NTAN1: variants seen among roughly 807,000 people sequenced by gnomAD.
NTAN1 encodes protein N-terminal asparagine amidohydrolase.
NTAN1 carries 32 observed loss-of-function variants against 41.9 expected under a neutral mutation model. The observed-to-expected ratio is 0.76, with a 90% CI of 0.58 to 1.03. NTAN1 has a LOEUF of 1.03. Ranked by LOEUF, NTAN1 falls within the 50% of genes least tolerant of loss-of-function variation. The pLI is 0.00. For missense variants in NTAN1, 377 were observed against 377.5 expected, an observed-to-expected ratio of 1.00 and a Z score of 0.01; for synonymous variants, 140 against 139.5, an observed-to-expected ratio of 1.00 and a Z score of -0.03.
intron 7 of NTAN1, chr16:15,040,310 T>A (rs1483189132): frequency 2.5e-6 from 1 of 406,388 alleles, no homozygotes; most frequent in African/African-American, 2.1e-5. Flanking sequence ...AGAGCTGCTT[T>A]CCACATGGGA....
intron 4 of NTAN1, 55 bp from the exon 5 acceptor site, chr16:15,044,462 T>C (rs1814518188): frequency 1.8e-6 from 2 of 1,127,458 alleles, no homozygotes; most frequent in Admixed American, 1.7e-5. Flanking sequence ...GTGCGTGCGC[T>C]GGTCTCACTT....
At chr16:15,049,887 A>G (rs2044230289) in intron 1 of NTAN1, among the ~76,000 whole-genome samples, 1 of 152,254 alleles carries the variant, frequency 6.6e-6, no homozygotes, top group Non-Finnish European at 1.5e-5. Flanking sequence ...ATACAAAAGT[A>G]TAAAAAATGT....
chr16:15,050,430 C>T (rs1195341326), intron 1 of NTAN1, among the ~76,000 whole-genome samples: 1 of 152,034 alleles, frequency 6.6e-6, no homozygotes, highest in Non-Finnish European at 1.5e-5. Flanking sequence ...GGTTAGCGCT[C>T]ACTTAATAAA....
intron 5 of NTAN1, among the ~76,000 whole-genome samples, chr16:15,043,881 G>A (rs1350719025): frequency 2.0e-5 from 3 of 152,066 alleles, no homozygotes; most frequent in Non-Finnish European, 2.9e-5. Context: ...CCAGGAGGCA[G>A]AGCTTGCAGT....
chr16:15,039,233 T>G (rs2043693290), intron 8 of NTAN1, among the ~76,000 whole-genome samples: 1 of 152,192 alleles, frequency 6.6e-6, no homozygotes, highest in Non-Finnish European at 1.5e-5. Context: ...CACTGAAATA[T>G]GTTCTGAATA....
At chr16:15,047,327 G>A (rs1453925279) in intron 4 of NTAN1, 115 bp downstream of exon 4, 12 of 731,224 alleles carry the variant, frequency 1.6e-5, no homozygotes, top group African/African-American at 8.6e-5. Context: ...CCAGGGGAAC[G>A]AGGCAGACAC....
chr16:15,040,136 T>C (rs968595569), intron 7 of NTAN1, 70 bp from the exon 8 acceptor site: 1 of 799,834 alleles, frequency 1.3e-6, no homozygotes, highest in Non-Finnish European at 2.1e-6. Context: ...AGTCTTACAT[T>C]TCTACCACCA....
In NTAN1 at chr16:15,038,161, A is replaced by T. The variant is rs574727086; in HGVS notation, c.803T>A (p.Ile268Asn). The change falls in exon 10 of 10, where the codon ATT becomes AAT. Residue 268 changes from isoleucine to asparagine, a missense_variant. Ile to Asn is a moderately radical substitution (Grantham distance 149). Coordinates refer to ENST00000287706, the MANE Select transcript of NTAN1 (RefSeq NM_173474.4). ...TTTTAAAAACATCAAGGTAGATCTAATATGTTCAACAAAGTGGGGTGGCTC... is the reference window on the plus strand; with the variant it reads ...TTTTAAAAACATCAAGGTAGATCTATTATGTTCAACAAAGTGGGGTGGCTC... Reference protein sequence around the residue: ...LAEPPHFVEHIRSTLMFLKKH... With the variant: ...LAEPPHFVEHNRSTLMFLKKH... The T allele has an allele frequency of 1.2e-6, 2 of 1,613,566 alleles. No homozygotes were observed. The highest frequency in any genetic ancestry group is 1.7e-6 in the Non-Finnish European group (2 of 1,179,588).
intron 9 of NTAN1, 65 bp downstream of exon 9, chr16:15,038,509 T>TTTTC (rs2043650039): frequency 3.1e-6 from 3 of 961,138 alleles, no homozygotes; most frequent in Admixed American, 4.3e-5. Context: ...TAAACCCTTT[T>TTTTC]TTTCTTACAG....
chr16:15,051,567 G>A (rs762820842), intron 1 of NTAN1, among the ~76,000 whole-genome samples: 2 of 151,980 alleles, frequency 1.3e-5, no homozygotes, highest in Non-Finnish European at 2.9e-5. Flanking sequence ...GGCTGGTCTC[G>A]AACTCCTGGC....
chr16:15,039,847 G>A (rs1382977507), intron 8 of NTAN1, 122 bp downstream of exon 8: 2 of 670,304 alleles, frequency 3.0e-6, no homozygotes, highest in African/African-American at 1.8e-5. Context: ...GCTGGTCCCT[G>A]ATAATGTACG....
At chr16:15,047,398 G>T in intron 4 of NTAN1, 44 bp downstream of exon 4, 1 of 1,281,546 alleles carries the variant, frequency 7.8e-7, no homozygotes. Flanking sequence ...GTATGCGACG[G>T]TTCCAAGATC....
At chr16:15,044,463 G>C (rs988560794) in intron 4 of NTAN1, 56 bp from the exon 5 acceptor site, 15 of 1,137,302 alleles carry the variant, frequency 1.3e-5, no homozygotes, top group African/African-American at 1.5e-5. Flanking sequence ...TGCGTGCGCT[G>C]GTCTCACTTT....
rs2044500342 is a variant in NTAN1, at chr16:15,055,997, C to G, written c.-26G>C. 8.4e-7 allele frequency: 1 copy of G among 1,188,934 alleles called. No homozygotes were observed. The highest frequency in any genetic ancestry group is 3.4e-5 in the East Asian group (1 of 29,390). 73.6% of individuals were successfully genotyped at this position (1,188,934 alleles called of 1,614,324 possible). ...CGCGGAGGCGGCCGCCCAGGCAGGC[C>G]CAGGGAGGCGGCGGCCCCCCGCTTT... On this transcript the variant is annotated 5_prime_UTR_variant, in exon 1 of 10. Coordinates refer to ENST00000287706, the MANE Select transcript of NTAN1 (RefSeq NM_173474.4).
Position 15,037,913 on chromosome 16 carries a change from A to G in NTAN1, c.*118T>C. 1 of 639,086 alleles carries G rather than the reference A, an allele frequency of 1.6e-6. No homozygotes were observed. The highest frequency in any genetic ancestry group is 2.6e-5 in the East Asian group (1 of 37,828). 39.6% of individuals were successfully genotyped at this position (639,086 alleles called of 1,614,324 possible). The stretch of plus-strand genomic sequence containing the variant: ...ATTTGATGAAAGTCATTTGAAAGAC[A>G]CTGAGGAGGGAAGGAGGCCTAAGAC... On this transcript the variant is annotated 3_prime_UTR_variant, in exon 10 of 10. Coordinates refer to ENST00000287706, the MANE Select transcript of NTAN1 (RefSeq NM_173474.4).
At chr16:15,043,593 G>A (rs62039480) in intron 5 of NTAN1, among the ~76,000 whole-genome samples, 53,923 of 152,064 alleles carry the variant, frequency 0.35, 9,822 homozygotes, top group Admixed American at 0.47. Flanking sequence ...GAGTAAGCTT[G>A]CTTCATGGCC....
In NTAN1 at chr16:15,047,534, G is replaced by C; in HGVS notation, c.267C>G (p.Cys89Trp). The C allele has an allele frequency of 6.2e-7, 1 of 1,613,478 alleles. No individual in the cohort carries two copies. The highest frequency in any genetic ancestry group is 8.5e-7 in the Non-Finnish European group (1 of 1,179,364). The change falls in exon 4 of 10, where the codon TGC becomes TGG. Residue 89 changes from cysteine to tryptophan, a missense_variant. Coordinates refer to ENST00000287706, the MANE Select transcript of NTAN1 (RefSeq NM_173474.4). The stretch of plus-strand genomic sequence containing the variant: ...TGTCGGTTCCGTCACAATGTGTCAA[G>C]CAGGTGGCCCCATTACCTGAAGAAC... ...VLRHTGNGATCLTHCDGTDTK... is the reference protein window; with the variant it reads ...VLRHTGNGATWLTHCDGTDTK...
At chr16:15,046,116 C>A (rs1227854568) in intron 4 of NTAN1, 1 of 152,256 alleles carries the variant, frequency 6.6e-6, no homozygotes, top group Non-Finnish European at 1.5e-5. Context: ...CCTGCGGGGG[C>A]CAAGATGATA....
Position 15,038,005 on chromosome 16 carries a change from G to A in NTAN1, c.*26C>T, listed in dbSNP as rs201035644. The A allele has an allele frequency of 4.4e-6, 7 of 1,583,130 alleles. No individual in the cohort carries two copies. The Admixed American group carries it at 1.0e-4, about 23-fold the overall frequency. The stretch of plus-strand genomic sequence containing the variant: ...ACCAATGGTCTGTCAGGCCAAGAAG[G>A]TGCTTTCTTTGGTAATTCATGTTTT... On this transcript the variant is annotated 3_prime_UTR_variant, in exon 10 of 10. Coordinates refer to ENST00000287706, the MANE Select transcript of NTAN1 (RefSeq NM_173474.4).
Sources: gnomAD v4.1 joint callset for allele counts (sites outside exome capture counted in the v4.1 genomes callset) on GRCh38, gnomAD v4.1.1 for gene constraint, MANE v1.5 for transcripts, NCBI Gene and HGNC (gene_info 2026-07-23, HGNC 2026-07-21) for gene names.